CGGBP1: variants seen among roughly 807,000 people sequenced by gnomAD.
CGGBP1 encodes CGG triplet repeat binding protein 1.
In CGGBP1, 4 loss-of-function variants were observed where a neutral mutation model predicts 11.4. The ratio of observed to expected loss-of-function variants is 0.35; its 90% CI spans 0.17 to 0.80. The LOEUF (loss-of-function observed/expected upper bound fraction) is 0.80. Ranked by LOEUF, CGGBP1 falls within the 30% of genes least tolerant of loss-of-function variation. The pLI, the probability that CGGBP1 is intolerant of heterozygous loss-of-function variation, is 0.52. For synonymous variants in CGGBP1, 76 were observed against 74.1 expected (o/e 1.03, Z -0.13); for missense variants, 135 against 202.1 (o/e 0.67, Z 2.01).
chr3:88,113,064 T>C, intron 2 of CGGBP1: 4 of 1,259,608 alleles, frequency 3.2e-6, no homozygotes, highest in Admixed American at 2.3e-5. Context: ...AATCTTTTAA[T>C]TGGAGCAAAA....
At chr3:88,087,804 A>G (rs1336606612) in intron 2 of CGGBP1, among the ~76,000 whole-genome samples, 2 of 152,228 alleles carry the variant, frequency 1.3e-5, no homozygotes, top group African/African-American at 4.8e-5. Context: ...ATGTAGTTCA[A>G]TCACCAGGCC....
chr3:88,140,453 A>G, intron 2 of CGGBP1: 1 of 1,613,710 alleles, frequency 6.2e-7, no homozygotes, highest in Non-Finnish European at 8.5e-7. Flanking sequence ...AGACATGTAT[A>G]GAAAGTATGG....
intron 2 of CGGBP1, among the ~76,000 whole-genome samples, chr3:88,098,752 G>T (rs1704218206): frequency 6.6e-6 from 1 of 152,180 alleles, no homozygotes; most frequent in African/African-American, 2.4e-5. Context: ...CTCAATAGAT[G>T]CAGAAAAGGC....
At chr3:88,132,930 C>T (rs1041976998) in intron 2 of CGGBP1, among the ~76,000 whole-genome samples, 1 of 152,130 alleles carries the variant, frequency 6.6e-6, no homozygotes, top group Non-Finnish European at 1.5e-5. Flanking sequence ...GCAGTATGAG[C>T]TACATGAAAG....
chr3:88,118,686 TA>T (rs1353885540), intron 2 of CGGBP1, among the ~76,000 whole-genome samples: 2 of 152,274 alleles, frequency 1.3e-5, no homozygotes, highest in South Asian at 4.1e-4. Context: ...TAAAAGGCTT[TA>T]AAAGAAAACA....
rs558608255 is a variant in CGGBP1 at position 88,087,749 on chromosome 3, CATTT to C, written c.-228-29530_-228-29527del. 1.3e-3 allele frequency among the ~76,000 whole-genome samples: 195 copies of C among 152,216 alleles called. 1 individual carries two copies. Among genetic ancestry groups the C allele is most frequent in the Non-Finnish European group, 3.4e-4 (23 of 68,014 alleles). ...ATAGGATAAGTATTATTATGTGAAA[CATTT>C]ATTTAGGGGAGAATGCAGATAAATT... On this transcript the variant is annotated intron_variant, in intron 2 of 3. Coordinates refer to the CGGBP1 transcript ENST00000462901.
At chr3:88,094,653 TTTATTCTTTAAAAG>T (rs935838029) in intron 2 of CGGBP1, among the ~76,000 whole-genome samples, 19 of 152,170 alleles carry the variant, frequency 1.2e-4, no homozygotes, top group African/African-American at 4.1e-4. Context: ...TAGGAAGATC[TTTATTCTTTAAAAG>T]TTATTCTTTA....
chr3:88,138,205 T>C (rs554628409), intron 2 of CGGBP1, among the ~76,000 whole-genome samples: 6 of 152,252 alleles, frequency 3.9e-5, no homozygotes, highest in Admixed American at 2.0e-4. Context: ...TAACATTACT[T>C]AATAAGCAAA....
intron 2 of CGGBP1, among the ~76,000 whole-genome samples, chr3:88,131,664 T>C (rs1427514441): frequency 6.6e-6 from 1 of 152,142 alleles, no homozygotes. Context: ...AGGCTCAGTG[T>C]CTCCAGCTGC....
intron 2 of CGGBP1, among the ~76,000 whole-genome samples, chr3:88,107,697 AT>A (rs1424827408): frequency 2.0e-5 from 3 of 151,820 alleles, no homozygotes; most frequent in African/African-American, 7.3e-5. Context: ...ACTCTGGATA[AT>A]TTTTCAGATT....
chr3:88,141,554 A>G (rs1003140817), intron 1 of CGGBP1: 10 of 945,018 alleles, frequency 1.1e-5, no homozygotes, highest in Non-Finnish European at 1.5e-5. Context: ...ATCCTTTAAA[A>G]TGACAGGGTA....
chr3:88,092,652 T>C (rs1276332423), intron 2 of CGGBP1, among the ~76,000 whole-genome samples: 2 of 152,226 alleles, frequency 1.3e-5, no homozygotes, highest in African/African-American at 2.4e-5. Flanking sequence ...TGACTTTAAA[T>C]TTTTTATTTG....
chr3:88,146,430 C>T (rs530770712), intron 1 of CGGBP1, among the ~76,000 whole-genome samples: 2 of 152,264 alleles, frequency 1.3e-5, no homozygotes, highest in South Asian at 2.1e-4. Flanking sequence ...CCAAACCGCT[C>T]TAATTGGGAG....
At chr3:88,093,385 A>G (rs1703864326) in intron 2 of CGGBP1, among the ~76,000 whole-genome samples, 1 of 152,198 alleles carries the variant, frequency 6.6e-6, no homozygotes, top group Admixed American at 6.5e-5. Context: ...CAGAAAGTAA[A>G]TGTTCATAGA....
At chr3:88,097,706 A>G (rs553503802) in intron 2 of CGGBP1, among the ~76,000 whole-genome samples, 1 of 152,328 alleles carries the variant, frequency 6.6e-6, no homozygotes, top group South Asian at 2.1e-4. Context: ...CTACATGGGA[A>G]CTGAACAACC....
rs1357405838 is a variant in CGGBP1 at position 88,055,949 on chromosome 3, G to A, written c.28C>T (p.Pro10Ser). The A allele has an allele frequency of 3.7e-6, 6 of 1,613,252 alleles. No individual in the cohort carries two copies. The highest frequency in any genetic ancestry group is 5.1e-6 in the Non-Finnish European group (6 of 1,179,380). MERFVVTAP[P>S]ARNRSKTALY... Reference sequence around the variant, plus strand: ...GCAGTCTTAGAACGGTTTCGAGCAGGTGGTGCTGTTACTACAAATCGCTCC... The same window carrying A: ...GCAGTCTTAGAACGGTTTCGAGCAGATGGTGCTGTTACTACAAATCGCTCC... The change falls in exon 4 of 4, where the codon CCT (proline) becomes TCT (serine). Residue 10 changes from proline to serine, a missense_variant. Pro to Ser is a moderately conservative substitution (Grantham distance 74). Transcript: ENST00000482016. The surrounding 1 kb of genome is among the most constrained non-coding windows in gnomAD (Gnocchi z 4.2).
At chr3:88,146,581 T>C (rs768334511) in intron 1 of CGGBP1, among the ~76,000 whole-genome samples, 12 of 152,198 alleles carry the variant, frequency 7.9e-5, no homozygotes, top group Non-Finnish European at 1.5e-4. Flanking sequence ...TGGAGAGTTA[T>C]ACATCCCATT....
At chr3:88,077,356 C>T (rs1443769505) in intron 2 of CGGBP1, among the ~76,000 whole-genome samples, 13 of 139,572 alleles carry the variant, frequency 9.3e-5, no homozygotes, top group Admixed American at 3.0e-4. Flanking sequence ...TTTTTTGAGA[C>T]GGAGTCTCGC....
At chr3:88,129,007 G>A (rs1440851783) in intron 2 of CGGBP1, 17 of 1,530,436 alleles carry the variant, frequency 1.1e-5, no homozygotes, top group African/African-American at 1.4e-5. Flanking sequence ...CAGCTATTCC[G>A]GGAGGTATTG....
Sources: gnomAD v4.1 joint callset for allele counts (sites outside exome capture counted in the v4.1 genomes callset) on GRCh38, gnomAD v4.1.1 for gene constraint, Gnocchi (gnomAD v3.1) non-coding constraint, MANE v1.5 for transcripts, NCBI Gene and HGNC (gene_info 2026-07-23, HGNC 2026-07-21) for gene names.